Variants in ROBO1 observed in about 807,000 individuals in gnomAD.
The protein encoded by ROBO1 is roundabout homolog 1.
In ROBO1, 149 loss-of-function variants were observed where a neutral mutation model predicts 195.9. That is an observed-to-expected ratio of 0.76 (90% CI 0.67 to 0.87). The LOEUF (loss-of-function observed/expected upper bound fraction) is 0.87, where lower values mean the gene tolerates loss of function less well. ROBO1 is among the 40% of genes least tolerant of loss of function. ROBO1 has a pLI of 0.00. For missense variants in ROBO1, 1,933 were observed against 2,068.3 expected, an observed-to-expected ratio of 0.93 and a Z score of 1.27; for synonymous variants, 816 against 733.2, an observed-to-expected ratio of 1.11 and a Z score of -1.82.
At position 79,728,282 on chromosome 3, in the gene ROBO1, G is replaced by T. The variant is rs536235737; in HGVS notation, c.-51+39470C>A. ...ATCTTGAAAGGTATCTCACCTTTTG[G>T]TAGATATGGAGAGCTGAAAAAATCT... On this transcript the variant is annotated intron_variant, in intron 1 of 30. Coordinates refer to ENST00000464233, the MANE Select transcript of ROBO1 (RefSeq NM_002941.4). Among the ~76,000 whole-genome samples the T allele has an allele frequency of 4.6e-5, 7 of 152,058 alleles. No individual in the cohort carries two copies. In the East Asian group the frequency reaches 1.2e-3, roughly 25 times the overall value.
chr3:79,072,945 A>G (rs1339595449), intron 3 of ROBO1, among the ~76,000 whole-genome samples: 1 of 152,020 alleles, frequency 6.6e-6, no homozygotes, highest in Non-Finnish European at 1.5e-5. Context: ...TCTGTGTACT[A>G]TAACCAAATA....
intron 2 of ROBO1, among the ~76,000 whole-genome samples, chr3:79,439,615 GATAA>G (rs533283920): frequency 7.6e-4 from 115 of 152,106 alleles, no homozygotes; most frequent in Non-Finnish European, 1.0e-3. Context: ...GAAGCAACAA[GATAA>G]ATAAATTTAA....
At chr3:79,553,953 T>C (rs149778712) in intron 2 of ROBO1, among the ~76,000 whole-genome samples, 76 of 152,168 alleles carry the variant, frequency 5.0e-4, no homozygotes, top group African/African-American at 1.8e-3. Flanking sequence ...CATTATAAAG[T>C]TTTTATGTGG....
intron 2 of ROBO1, among the ~76,000 whole-genome samples, chr3:79,197,044 C>T (rs1232468517): frequency 2.0e-5 from 3 of 151,310 alleles, no homozygotes; most frequent in Admixed American, 1.3e-4. Flanking sequence ...TAAATATATA[C>T]CTATCTTGTT....
At chr3:79,139,586 G>T (rs1293377617) in intron 2 of ROBO1, among the ~76,000 whole-genome samples, 1 of 152,118 alleles carries the variant, frequency 6.6e-6, no homozygotes, top group Non-Finnish European at 1.5e-5. Context: ...TCCGGTTGAG[G>T]TCTGCATTTA....
chr3:78,672,244 A>C (rs1708104901), intron 10 of ROBO1, among the ~76,000 whole-genome samples: 1 of 119,942 alleles, frequency 8.3e-6, no homozygotes, highest in African/African-American at 2.7e-5. Context: ...CTCTTTGGTA[A>C]AAACAACAAC....
intron 2 of ROBO1, among the ~76,000 whole-genome samples, chr3:79,468,845 T>C (rs538217636): frequency 1.3e-5 from 2 of 152,254 alleles, no homozygotes; most frequent in Non-Finnish European, 2.9e-5. Flanking sequence ...TGGGTCATAT[T>C]GAGGATGGAA....
chr3:79,079,267 A>C (rs2079228500), intron 3 of ROBO1, among the ~76,000 whole-genome samples: 1 of 151,844 alleles, frequency 6.6e-6, no homozygotes, highest in Admixed American at 6.6e-5. Context: ...ACTCATGGTA[A>C]TTCTCAGACC....
At chr3:79,448,318 C>T (rs942695718) in intron 2 of ROBO1, among the ~76,000 whole-genome samples, 5 of 152,136 alleles carry the variant, frequency 3.3e-5, no homozygotes, top group Non-Finnish European at 7.4e-5. Context: ...AAGTAATATT[C>T]ATTTATAGCA....
At chr3:79,579,427 G>C (rs66466409) in intron 2 of ROBO1, among the ~76,000 whole-genome samples, 10,109 of 152,206 alleles carry the variant, frequency 0.066, 407 homozygotes, top group East Asian at 0.15. Flanking sequence ...GTAGAAGAAA[G>C]TGTCTATTTC....
At chr3:79,400,746 T>C (rs1210065965) in intron 2 of ROBO1, among the ~76,000 whole-genome samples, 1 of 152,006 alleles carries the variant, frequency 6.6e-6, no homozygotes, top group African/African-American at 2.4e-5. Flanking sequence ...TTTGTTCTTT[T>C]TAAAAATCAG....
chr3:79,589,596 T>TC (rs1434715632), intron 2 of ROBO1, among the ~76,000 whole-genome samples: 1 of 151,768 alleles, frequency 6.6e-6, no homozygotes, highest in East Asian at 1.9e-4. Flanking sequence ...AGTGACTTTT[T>TC]CTCAATGTTC....
chr3:78,648,803 G>A (rs1706461068), intron 19 of ROBO1, among the ~76,000 whole-genome samples: 1 of 151,938 alleles, frequency 6.6e-6, no homozygotes, highest in Non-Finnish European at 1.5e-5. Flanking sequence ...AACACTGCCA[G>A]AATTATATTT....
At chr3:79,389,394 G>C (rs1002342771) in intron 2 of ROBO1, among the ~76,000 whole-genome samples, 1 of 152,172 alleles carries the variant, frequency 6.6e-6, no homozygotes, top group Middle Eastern at 3.4e-3. Flanking sequence ...CTTTGTGTGC[G>C]TTGCAGGGTA....
intron 6 of ROBO1, 80 bp downstream of exon 6, chr3:78,717,683 T>G (rs113014959): frequency 8.8e-6 from 13 of 1,480,408 alleles, no homozygotes; most frequent in African/African-American, 5.7e-5. Context: ...CTTAACAATT[T>G]TTCTTTCCCC....
At chr3:79,718,118 C>A (rs1298797013) in intron 1 of ROBO1, among the ~76,000 whole-genome samples, 2 of 151,952 alleles carry the variant, frequency 1.3e-5, no homozygotes, top group Non-Finnish European at 2.9e-5. Context: ...CAAACTTGAG[C>A]TGCTTACAAA....
chr3:78,800,971 A>T (rs1304776138), intron 4 of ROBO1, among the ~76,000 whole-genome samples: 2 of 152,210 alleles, frequency 1.3e-5, no homozygotes, highest in East Asian at 3.8e-4. Flanking sequence ...TAATCTTAAT[A>T]ATCTATGCTC....
chr3:79,009,200 C>T (rs1354908321), intron 3 of ROBO1, among the ~76,000 whole-genome samples: 2 of 150,342 alleles, frequency 1.3e-5, no homozygotes, highest in Admixed American at 6.6e-5. Context: ...GTGATCCACC[C>T]GCCTCAGCCT....
At position 79,687,351 on chromosome 3, in the gene ROBO1, A is replaced by G. The variant is rs533906675; in HGVS notation, c.-51+80401T>C. On this transcript the variant is annotated intron_variant, in intron 1 of 30. Transcript: ENST00000464233. ...GTCTAAAACACCAAAAGCAATGGCA[A>G]CAAAAGCCAAAATTGACAAATGGGA... 2.0e-5 allele frequency among the ~76,000 whole-genome samples: 3 copies of G among 152,304 alleles called. No individual in the cohort carries two copies. In the East Asian group the frequency reaches 5.8e-4, roughly 29 times the overall value.
Sources: allele counts gnomAD v4.1 joint callset (sites outside exome capture counted in the v4.1 genomes callset), GRCh38; gene constraint gnomAD v4.1.1; transcripts MANE v1.5; gene names NCBI Gene and HGNC (gene_info 2026-07-23, HGNC 2026-07-21).